The following CEP85L variants were observed in gnomAD, a reference collection of about 807,000 sequenced individuals.
The protein encoded by CEP85L is centrosomal protein of 85 kDa-like.
Under a neutral mutation model 100.3 loss-of-function variants are expected in CEP85L, and 60 were observed. The ratio of observed to expected loss-of-function variants is 0.60; its 90% confidence interval spans 0.49 to 0.74. The LOEUF (loss-of-function observed/expected upper bound fraction) is 0.74. CEP85L is among the 30% of genes least tolerant of loss of function. CEP85L has a pLI of 0.00. For synonymous variants in CEP85L, 319 were observed against 322.7 expected, an observed-to-expected ratio of 0.99 and a Z score of 0.12; for missense variants, 973 against 936.2, an observed-to-expected ratio of 1.04 and a Z score of -0.51.
At chr6:118,499,400 T>A (rs182986008) in intron 5 of CEP85L, among the ~76,000 whole-genome samples, 1,895 of 152,262 alleles carry the variant, frequency 0.012, 45 homozygotes, top group African/African-American at 0.044. Flanking sequence ...GCACGGTGGC[T>A]CATGCCTGTA....
intron 11 of CEP85L, 90 bp from the exon 12 acceptor site, chr6:118,469,393 T>C (rs989242128): frequency 2.1e-6 from 2 of 971,884 alleles, no homozygotes; most frequent in Admixed American, 2.0e-5. Flanking sequence ...CCCAAGTCTA[T>C]AAACAAAACG....
At chr6:118,528,410 C>CTGTGT (rs1243874760) in intron 3 of CEP85L, among the ~76,000 whole-genome samples, 1 of 152,040 alleles carries the variant, frequency 6.6e-6, no homozygotes, top group African/African-American at 2.4e-5. Context: ...ATGTATTATT[C>CTGTGT]TGTGTTGTAA....
intron 11 of CEP85L, among the ~76,000 whole-genome samples, chr6:118,469,529 G>A (rs776445318): frequency 8.5e-5 from 13 of 152,252 alleles, no homozygotes; most frequent in Admixed American, 1.3e-4. Flanking sequence ...ATGCTTTAGC[G>A]TATATCCAAG....
chr6:118,490,936 C>T (rs55899435), intron 6 of CEP85L, among the ~76,000 whole-genome samples: 25,000 of 151,758 alleles, frequency 0.16, 2,202 homozygotes, highest in Non-Finnish European at 0.19. Context: ...GCTTAATGGG[C>T]ATTCAGGCTG....
intron 2 of CEP85L, among the ~76,000 whole-genome samples, chr6:118,615,438 G>GA (rs11460454): frequency 0.7 from 104,467 of 149,170 alleles, 37,062 homozygotes; most frequent in Middle Eastern, 0.75. Flanking sequence ...AAGTAAATGG[G>GA]AAAAAAAAAA....
chr6:118,471,811 G>A (rs1223749676), intron 10 of CEP85L, among the ~76,000 whole-genome samples: 2 of 149,240 alleles, frequency 1.3e-5, no homozygotes, highest in East Asian at 3.9e-4. Context: ...CTCTGAATAC[G>A]TGTATTATTG....
intron 2 of CEP85L, among the ~76,000 whole-genome samples, chr6:118,622,665 T>G (rs1773528968): frequency 6.6e-6 from 1 of 152,246 alleles, no homozygotes; most frequent in Non-Finnish European, 1.5e-5. Flanking sequence ...CTTATCTAGT[T>G]CTACATGCCC....
At chr6:118,521,502 C>T (rs1011244520) in intron 4 of CEP85L, among the ~76,000 whole-genome samples, 4 of 152,110 alleles carry the variant, frequency 2.6e-5, no homozygotes, top group Non-Finnish European at 5.9e-5. Context: ...TACTAAAATG[C>T]CTCCATTATT....
intron 3 of CEP85L, among the ~76,000 whole-genome samples, chr6:118,558,660 CAGAGAGAGAG>C (rs369698272): frequency 4.1e-5 from 5 of 122,308 alleles, no homozygotes; most frequent in South Asian, 2.9e-4. Flanking sequence ...CACACACACA[CAGAGAGAGAG>C]AGAGAGAGAG....
intron 1 of CEP85L, among the ~76,000 whole-genome samples, chr6:118,702,995 CAAAA>C (rs34426942): frequency 2.1e-5 from 2 of 93,684 alleles, no homozygotes; most frequent in South Asian, 3.7e-4. Context: ...GACTCTGTCT[CAAAA>C]AAAAAAAAAA....
intron 10 of CEP85L, among the ~76,000 whole-genome samples, chr6:118,472,947 C>T (rs2114455472): frequency 6.6e-6 from 1 of 152,222 alleles, no homozygotes; most frequent in Middle Eastern, 3.4e-3. Context: ...TCCAGAAATG[C>T]CCCATTTACA....
chr6:118,596,631 T>C (rs923630265), intron 2 of CEP85L, among the ~76,000 whole-genome samples: 2 of 152,098 alleles, frequency 1.3e-5, no homozygotes, highest in African/African-American at 4.8e-5. Flanking sequence ...AAACTACTTA[T>C]ATTCAGGTAA....
At chr6:118,545,043 TA>T (rs148178442) in intron 3 of CEP85L, among the ~76,000 whole-genome samples, 4,389 of 152,160 alleles carry the variant, frequency 0.029, 107 homozygotes, top group African/African-American at 0.056. Flanking sequence ...AGATCTAATC[TA>T]AAAAAAGCTC....
At chr6:118,590,125 G>A (rs1242052015) in intron 2 of CEP85L, among the ~76,000 whole-genome samples, 1 of 151,902 alleles carries the variant, frequency 6.6e-6, no homozygotes, top group Non-Finnish European at 1.5e-5. Flanking sequence ...CATCGCTAAT[G>A]AGTCCTGGTC....
chr6:118,527,553 T>G (rs911892084), intron 3 of CEP85L, among the ~76,000 whole-genome samples: 1 of 152,200 alleles, frequency 6.6e-6, no homozygotes, highest in African/African-American at 2.4e-5. Context: ...AACTCTCTAC[T>G]TAATGAAACT....
rs1772285172 is a variant in CEP85L, at chr6:118,462,514, A to C, written c.*2891T>G. 1 of 152,056 alleles carries C rather than the reference A, an allele frequency of 6.6e-6. No individual in the cohort carries two copies. Among genetic ancestry groups the C allele is most frequent in the Non-Finnish European group, 1.5e-5 (1 of 67,906 alleles). The allele number at this position is 152,056 out of a possible 1,614,324, so 9.4% of individuals were successfully genotyped here. On this transcript the variant is annotated 3_prime_UTR_variant, in exon 13 of 13. Transcript: ENST00000368491. ...CTGAATAAGCTCAACTTTAAAACCCAAAAGAACAAAATATTAATACTGGAT... is the reference window on the plus strand; with the variant it reads ...CTGAATAAGCTCAACTTTAAAACCCCAAAGAACAAAATATTAATACTGGAT...
chr6:118,597,985 CAA>C (rs1183449506), intron 2 of CEP85L, among the ~76,000 whole-genome samples: 1 of 151,986 alleles, frequency 6.6e-6, no homozygotes, highest in African/African-American at 2.4e-5. Context: ...GTTTTGAAGC[CAA>C]AGCTTCAAAA....
Position 118,651,559 on chromosome 6 carries a change from G to C in CEP85L, c.-290C>G, listed in dbSNP as rs952732242. 4 of 1,200,404 alleles carry C rather than the reference G, an allele frequency of 3.3e-6. No individual in the cohort carries two copies. The highest frequency in any genetic ancestry group is 3.2e-5 in the African/African-American group (2 of 63,048). The allele number at this position is 1,200,404 out of a possible 1,614,324, so 74.4% of individuals were successfully genotyped here. ...ATCCCCGGCTGAGCCCAGGCTCAAAGGCTCCAGGCGAAGTTGCAGCTGCGG... is the reference window on the plus strand; with the variant it reads ...ATCCCCGGCTGAGCCCAGGCTCAAACGCTCCAGGCGAAGTTGCAGCTGCGG... On this transcript the variant is annotated 5_prime_UTR_variant, in exon 1 of 13. Transcript: ENST00000368491.
At chr6:118,513,066 T>TA (rs1776061944) in intron 4 of CEP85L, among the ~76,000 whole-genome samples, 1 of 152,038 alleles carries the variant, frequency 6.6e-6, no homozygotes, top group African/African-American at 2.4e-5. Context: ...GAATGGTGAT[T>TA]AAAACATTAG....
Sources: gnomAD v4.1 joint callset for allele counts (sites outside exome capture counted in the v4.1 genomes callset) on GRCh38, gnomAD v4.1.1 for gene constraint, MANE v1.5 for transcripts, NCBI Gene and HGNC (gene_info 2026-07-23, HGNC 2026-07-21) for gene names.